Variants in SARNP observed in about 807,000 individuals in gnomAD.
The protein encoded by SARNP is SAP domain containing ribonucleoprotein, also known as SAP domain-containing ribonucleoprotein.
SARNP carries 5 observed loss-of-function variants against 38.1 expected under a neutral mutation model. The ratio of observed to expected loss-of-function variants is 0.13; its 90% confidence interval spans 0.07 to 0.28. The LOEUF (loss-of-function observed/expected upper bound fraction) is 0.28, where lower values mean the gene tolerates loss of function less well. SARNP is among the 10% of genes least tolerant of loss of function. The pLI is 1.00. For synonymous variants in SARNP, 84 were observed against 80.6 expected (o/e 1.04, Z -0.23); for missense variants, 180 against 243.9 (o/e 0.74, Z 1.75).
chr12:55,798,483 G>C (rs1196729732), intron 4 of SARNP, among the ~76,000 whole-genome samples: 1 of 152,180 alleles, frequency 6.6e-6, no homozygotes, highest in Non-Finnish European at 1.5e-5. Context: ...GGACAACGGA[G>C]TGAGTCCCTG....
At chr12:55,800,442 A>T in intron 4 of SARNP, 120 bp downstream of exon 4, 1 of 690,410 alleles carries the variant, frequency 1.4e-6, no homozygotes, top group Non-Finnish European at 2.4e-6. Context: ...CAAAAAAATG[A>T]CCTAATCAGA....
intron 4 of SARNP, among the ~76,000 whole-genome samples, chr12:55,800,131 C>T (rs1016397122): frequency 2.0e-5 from 3 of 151,614 alleles, no homozygotes; most frequent in Admixed American, 2.0e-4. Context: ...GCAGAAGTTA[C>T]GGTGAGCCAA....
At chr12:55,773,065 T>C (rs1011314059) in intron 9 of SARNP, among the ~76,000 whole-genome samples, 7 of 152,122 alleles carry the variant, frequency 4.6e-5, no homozygotes, top group African/African-American at 1.7e-4. Flanking sequence ...AGCCAAAACA[T>C]ACAGAGAAGG....
chr12:55,806,274 A>AT (rs1270328592), intron 1 of SARNP, among the ~76,000 whole-genome samples: 3 of 150,314 alleles, frequency 2.0e-5, no homozygotes, highest in East Asian at 1.9e-4. Context: ...AATTAAAAAA[A>AT]ATTTTTTTTT....
rs559627941 is a variant in SARNP, at chr12:55,807,730, C to T, written c.37-4002G>A. Among the ~76,000 whole-genome samples, 11 of 150,082 alleles carry T rather than the reference C, an allele frequency of 7.3e-5. No individual in the cohort carries two copies. The South Asian group carries it at 1.0e-3, about 14-fold the overall frequency. On this transcript the variant is annotated intron_variant, in intron 1 of 10. Transcript: ENST00000336133. ...TCAGGAGGCTGAGGCAGGAGAACGG[C>T]GTGAACCCGGGAGGCGGAGCTTGCA...
intron 9 of SARNP, among the ~76,000 whole-genome samples, chr12:55,775,130 G>A (rs1200125747): frequency 6.7e-5 from 10 of 148,764 alleles, no homozygotes; most frequent in African/African-American, 1.2e-4. Flanking sequence ...CTCGTGATCC[G>A]CCTGCCTCAG....
At chr12:55,755,179 T>C (rs193097992), downstream of SARNP, 1 of 152,054 alleles carries the variant, frequency 6.6e-6, no homozygotes, top group Admixed American at 6.5e-5. Flanking sequence ...TCCCTTAAGT[T>C]CCTCCCTCAC....
chr12:55,758,626 C>A (rs1878584801), intron 10 of SARNP, among the ~76,000 whole-genome samples: 1 of 151,622 alleles, frequency 6.6e-6, no homozygotes, highest in Non-Finnish European at 1.5e-5. Context: ...GCCTGGACGA[C>A]AGAGCGAGAC....
At chr12:55,765,633 C>A (rs1878806980) in intron 9 of SARNP, among the ~76,000 whole-genome samples, 2 of 152,016 alleles carry the variant, frequency 1.3e-5, no homozygotes. Flanking sequence ...CATGAGCCAC[C>A]ACACCCAGCC....
chr12:55,807,953 G>C (rs1880206136), intron 1 of SARNP, among the ~76,000 whole-genome samples: 1 of 151,690 alleles, frequency 6.6e-6, no homozygotes, highest in Non-Finnish European at 1.5e-5. Flanking sequence ...AAAGTATTAT[G>C]TTCACTGTAG....
chr12:55,774,888 T>TC (rs1263376425), intron 9 of SARNP, among the ~76,000 whole-genome samples: 1 of 146,826 alleles, frequency 6.8e-6, no homozygotes, highest in African/African-American at 2.6e-5. Context: ...TATTTGTTTT[T>TC]TTTTTTTTTT....
intron 10 of SARNP, 63 bp from the exon 11 acceptor site, chr12:55,757,616 CTGCTTT>C: frequency 7.4e-7 from 1 of 1,360,040 alleles, no homozygotes; most frequent in Non-Finnish European, 1.0e-6. Context: ...GGGTTCCTGG[CTGCTTT>C]AATCCAAACT....
At chr12:55,791,194 T>A (rs1475431372) in intron 7 of SARNP, among the ~76,000 whole-genome samples, 1 of 152,134 alleles carries the variant, frequency 6.6e-6, no homozygotes, top group African/African-American at 2.4e-5. Flanking sequence ...GGAGAGGTAA[T>A]GGAGGATATC....
chr12:55,778,249 C>G (rs1879240287), intron 9 of SARNP, among the ~76,000 whole-genome samples: 1 of 152,092 alleles, frequency 6.6e-6, no homozygotes, highest in Non-Finnish European at 1.5e-5. Context: ...ACGGTTCAAG[C>G]AATTCTCGTG....
intron 9 of SARNP, among the ~76,000 whole-genome samples, chr12:55,788,468 A>G (rs970993497): frequency 9.2e-5 from 14 of 152,190 alleles, no homozygotes; most frequent in African/African-American, 3.4e-4. Flanking sequence ...AAGTTTTAAC[A>G]TCACTGAATT....
chr12:55,789,874 G>A (rs1055094140), intron 8 of SARNP, among the ~76,000 whole-genome samples: 1 of 150,516 alleles, frequency 6.6e-6, no homozygotes, highest in African/African-American at 2.5e-5. Flanking sequence ...AACCCGGGAG[G>A]CGGAGGTTGC....
At chr12:55,768,951 A>G (rs939626588) in intron 9 of SARNP, among the ~76,000 whole-genome samples, 10 of 152,042 alleles carry the variant, frequency 6.6e-5, no homozygotes, top group African/African-American at 2.4e-4. Context: ...CTTGAACCTC[A>G]AGTGATCCAC....
intron 9 of SARNP, among the ~76,000 whole-genome samples, chr12:55,784,044 G>C (rs1242139437): frequency 2.0e-5 from 3 of 152,100 alleles, no homozygotes; most frequent in Non-Finnish European, 4.4e-5. Context: ...GTCCACTAAA[G>C]AGAAATCAGC....
At chr12:55,765,295 T>G (rs1338561916) in intron 9 of SARNP, among the ~76,000 whole-genome samples, 1 of 152,176 alleles carries the variant, frequency 6.6e-6, no homozygotes, top group African/African-American at 2.4e-5. Flanking sequence ...GGTTCTTTAT[T>G]TGGCTATATC....
Sources: gnomAD v4.1 joint callset for allele counts (sites outside exome capture counted in the v4.1 genomes callset) on GRCh38, gnomAD v4.1.1 for gene constraint, MANE v1.5 for transcripts, NCBI Gene and HGNC (gene_info 2026-07-23, HGNC 2026-07-21) for gene names.